Variants in KALRN observed in about 807,000 individuals in gnomAD.
The protein encoded by KALRN is kalirin.
KALRN carries 70 observed loss-of-function variants against 353.7 expected under a neutral mutation model. The ratio of observed to expected loss-of-function variants is 0.20; its 90% CI spans 0.16 to 0.24. The LOEUF (loss-of-function observed/expected upper bound fraction) is 0.24, where lower values mean the gene tolerates loss of function less well. Among genes scored for constraint, KALRN ranks in the 10% least tolerant of loss-of-function variants. The pLI, the probability that KALRN is intolerant of heterozygous loss-of-function variation, is 1.00. For missense variants in KALRN, 2,791 were observed against 3,756.7 expected (o/e 0.74, Z 6.72); for synonymous variants, 1,391 against 1,434.8 (o/e 0.97, Z 0.69).
At position 124,606,902 on chromosome 3, in the gene KALRN, G is replaced by T. The variant is rs75838732; in HGVS notation, c.5183-25518G>T. ...AGTAATCAAAAATTCAAATAAAAAC[G>T]ATAAGATTATGTTTCACCCTTCAGA... On this transcript the variant is annotated intron_variant, in intron 34 of 59. Coordinates refer to ENST00000682506, the MANE Select transcript of KALRN (RefSeq NM_001388419.1). Among the ~76,000 whole-genome samples the T allele has an allele frequency of 4.7e-3, 714 of 152,252 alleles. 11 individuals are homozygous for T. The highest frequency in any genetic ancestry group is 0.035 in the East Asian group (182 of 5,190).
At chr3:124,546,175 A>G (rs2069622263) in intron 33 of KALRN, among the ~76,000 whole-genome samples, 1 of 151,992 alleles carries the variant, frequency 6.6e-6, no homozygotes, top group Non-Finnish European at 1.5e-5. Flanking sequence ...TAGTGATTAA[A>G]AGGCAGTGAT....
intron 2 of KALRN, among the ~76,000 whole-genome samples, chr3:124,228,640 T>C (rs769073632): frequency 8.5e-5 from 13 of 152,208 alleles, no homozygotes; most frequent in Non-Finnish European, 1.9e-4. Flanking sequence ...CCAGTTTTTA[T>C]AAATAAAGTT....
Position 124,713,064 on chromosome 3 carries a change from A to G in KALRN, c.8205A>G (p.Leu2735=), listed in dbSNP as rs936456102. ...AAHEAALLQH[L]QHPQYITLHD... The stretch of plus-strand genomic sequence containing the variant: ...ACGAGGCTGCCCTGCTTCAGCACCT[A>G]CAGCACCCCCAGTACATCACTCTCC... Residue 2735 remains leucine, a synonymous_variant, in exon 58 of 60, where the codon CTA becomes CTG. Transcript: ENST00000682506. The G allele has an allele frequency of 1.2e-6, 2 of 1,614,032 alleles. No individual in the cohort carries two copies. The highest frequency in any genetic ancestry group is 2.7e-5 in the African/African-American group (2 of 74,930).
chr3:124,483,636 G>A (rs918029665), intron 28 of KALRN, among the ~76,000 whole-genome samples: 1 of 152,198 alleles, frequency 6.6e-6, no homozygotes, highest in Non-Finnish European at 1.5e-5. Flanking sequence ...GTCGAGGCCA[G>A]GGTGGCACCT....
chr3:124,436,509 G>T (rs1364620003), intron 17 of KALRN, among the ~76,000 whole-genome samples: 2 of 152,196 alleles, frequency 1.3e-5, no homozygotes, highest in Non-Finnish European at 2.9e-5. Context: ...GACTAGAGAA[G>T]TCACCTCAAG....
intron 1 of KALRN, among the ~76,000 whole-genome samples, chr3:124,039,693 C>T (rs1386768571): frequency 6.6e-6 from 1 of 152,140 alleles, no homozygotes; most frequent in African/African-American, 2.4e-5. Flanking sequence ...TAAATGTCAC[C>T]GCCCAGTCTG....
At chr3:124,679,687 G>C (rs747512570) in intron 51 of KALRN, 170 bp downstream of exon 51, 1 of 721,880 alleles carries the variant, frequency 1.4e-6, no homozygotes, top group African/African-American at 1.7e-5. Context: ...ACATAATTCA[G>C]TTCAGTGTTG....
chr3:124,152,168 C>T (rs762279747), intron 1 of KALRN: 58 of 1,501,770 alleles, frequency 3.9e-5, no homozygotes, highest in Non-Finnish European at 5.3e-5. Flanking sequence ...AGAGATCGAA[C>T]AATCAAAGTG....
intron 33 of KALRN, among the ~76,000 whole-genome samples, chr3:124,536,358 C>T (rs986480199): frequency 9.2e-5 from 14 of 151,802 alleles, no homozygotes; most frequent in African/African-American, 1.5e-4. Context: ...TGAGCCACCA[C>T]GTCCGGCTAA....
chr3:124,079,139 C>T lies in KALRN; in HGVS notation c.73+45326C>T, dbSNP rs1431323253. Among the ~76,000 whole-genome samples the T allele has an allele frequency of 2.0e-5, 3 of 152,072 alleles. No individual in the cohort carries two copies. The South Asian group carries it at 6.2e-4, about 32-fold the overall frequency. On this transcript the variant is annotated intron_variant, in intron 1 of 59. Transcript: ENST00000682506. ...ACCCTACAGATAGTTCTTCTTGGGT[C>T]GGGAAGAGAGACTGTAGTAGCAAAC...
chr3:124,454,763 A>C lies in KALRN; in HGVS notation c.3553-414A>C, dbSNP rs149364398. Reference sequence around the variant, plus strand: ...ATTCCCTAAGCCATACGGAATAACAACTATTTACTTAGTATTTACATTGTA... The same window carrying C: ...ATTCCCTAAGCCATACGGAATAACACCTATTTACTTAGTATTTACATTGTA... On this transcript the variant is annotated intron_variant, in intron 21 of 59. Coordinates refer to ENST00000682506, the MANE Select transcript of KALRN (RefSeq NM_001388419.1). 4.2e-3 allele frequency among the ~76,000 whole-genome samples: 647 copies of C among 152,304 alleles called. 6 individuals carry two copies. The highest frequency in any genetic ancestry group is 0.014 in the African/African-American group (577 of 41,552).
At chr3:124,249,089 T>C (rs1387224097) in intron 3 of KALRN, among the ~76,000 whole-genome samples, 1 of 152,226 alleles carries the variant, frequency 6.6e-6, no homozygotes, top group Non-Finnish European at 1.5e-5. Flanking sequence ...GAGTGCTGCA[T>C]TGGGAAGATT....
At chr3:124,265,429 A>G (rs1580246074) in intron 4 of KALRN, among the ~76,000 whole-genome samples, 1 of 150,392 alleles carries the variant, frequency 6.6e-6, no homozygotes, top group East Asian at 2.0e-4. Context: ...AGCAGCTGGG[A>G]CTACAGGCAC....
intron 1 of KALRN, among the ~76,000 whole-genome samples, chr3:124,150,119 T>C (rs2149880661): frequency 6.6e-6 from 1 of 152,360 alleles, no homozygotes; most frequent in African/African-American, 2.4e-5. Flanking sequence ...AATATTAGGG[T>C]TGTTAATCTT....
intron 1 of KALRN, among the ~76,000 whole-genome samples, chr3:124,090,116 G>C (rs916900885): frequency 2.0e-5 from 3 of 152,082 alleles, no homozygotes; most frequent in Non-Finnish European, 2.9e-5. Context: ...GGCAGTGGGG[G>C]GTACTGGGGT....
intron 1 of KALRN, among the ~76,000 whole-genome samples, chr3:124,047,583 C>T (rs773269501): frequency 6.6e-6 from 1 of 151,184 alleles, no homozygotes; most frequent in Non-Finnish European, 1.5e-5. Flanking sequence ...AGCTCTGCCC[C>T]CTGGGTTCAT....
At chr3:124,700,104 T>C (rs1369385365) in intron 56 of KALRN, 71 bp downstream of exon 56, 3 of 1,479,318 alleles carry the variant, frequency 2.0e-6, no homozygotes, top group Non-Finnish European at 2.8e-6. Context: ...CACAGACTCC[T>C]GGGCACGTTG....
chr3:124,444,324 AG>A (rs1466324600), intron 19 of KALRN, among the ~76,000 whole-genome samples: 2 of 152,230 alleles, frequency 1.3e-5, no homozygotes, highest in Non-Finnish European at 2.9e-5. Context: ...AGCAAAGTCA[AG>A]TCTGCAAGTA....
At chr3:124,599,582 A>G (rs2076603790) in intron 34 of KALRN, among the ~76,000 whole-genome samples, 1 of 152,178 alleles carries the variant, frequency 6.6e-6, no homozygotes, top group African/African-American at 2.4e-5. Flanking sequence ...GGCAGGGTTC[A>G]GCTGAGTCTG....
Sources: gnomAD v4.1 joint callset for allele counts (sites outside exome capture counted in the v4.1 genomes callset) on GRCh38, gnomAD v4.1.1 for gene constraint, MANE v1.5 for transcripts, NCBI Gene and HGNC (gene_info 2026-07-23, HGNC 2026-07-21) for gene names.